Variants in PIEZO2 observed in about 807,000 individuals in gnomAD.
The protein encoded by PIEZO2 is piezo-type mechanosensitive ion channel component 2.
A neutral mutation model predicts 337.3 loss-of-function variants in PIEZO2; 172 were observed. The ratio of observed to expected loss-of-function variants is 0.51; its 90% CI spans 0.45 to 0.58. PIEZO2 has a LOEUF of 0.58. PIEZO2 is among the 20% of genes least tolerant of loss of function. The pLI is 0.00. For synonymous variants in PIEZO2, 1,251 were observed against 1,228.5 expected, an observed-to-expected ratio of 1.02 and a Z score of -0.38; for missense variants, 3,028 against 3,391.3, an observed-to-expected ratio of 0.89 and a Z score of 2.66.
At chr18:11,114,786 G>C (rs1434137899) in intron 1 of PIEZO2, among the ~76,000 whole-genome samples, 5 of 152,052 alleles carry the variant, frequency 3.3e-5, no homozygotes, top group African/African-American at 1.2e-4. Context: ...AGATTGTCAG[G>C]AATTACCACC....
rs57979203 is a variant in PIEZO2, at chr18:10,725,154, C to T, written c.5029+6253G>A. The T allele has an allele frequency of 3.7e-3, 5,437 of 1,473,318 alleles. 162 individuals are homozygous for T. In the African/African-American group the frequency reaches 0.067, roughly 18 times the overall value. The allele number at this position is 1,473,318 out of a possible 1,614,324, so 91.3% of individuals were successfully genotyped here. On this transcript the variant is annotated intron_variant, in intron 36 of 55. Transcript: ENST00000674853. ...CCATGCCTATGGCTGTGCTGAAGTACTGCGAGGCCTCTGGACAGTTCATCC... is the reference window on the plus strand; with the variant it reads ...CCATGCCTATGGCTGTGCTGAAGTATTGCGAGGCCTCTGGACAGTTCATCC...
rs2039497811 is a variant in PIEZO2, at chr18:10,794,088, T to A, written c.1758+684A>T. ...ACCCATTCAATATAAACACGTTTATTTTTACTGTCTTAAAACTAAATTATT... is the reference window on the plus strand; with the variant it reads ...ACCCATTCAATATAAACACGTTTATATTTACTGTCTTAAAACTAAATTATT... On this transcript the variant is annotated intron_variant, in intron 13 of 55. Transcript: ENST00000674853. The surrounding 1 kb of genome is among the most constrained non-coding windows in gnomAD (Gnocchi z 6.6). Among the ~76,000 whole-genome samples the A allele has an allele frequency of 6.6e-6, 1 of 152,150 alleles. No individual in the cohort carries two copies. The highest frequency in any genetic ancestry group is 1.5e-5 in the Non-Finnish European group (1 of 68,022).
intron 1 of PIEZO2, among the ~76,000 whole-genome samples, chr18:11,103,808 T>TGC (rs1555714120): frequency 6.0e-5 from 8 of 134,108 alleles, no homozygotes; most frequent in Non-Finnish European, 1.1e-4. Context: ...TGTGTGTGTG[T>TGC]GCGTGTGTGC....
intron 1 of PIEZO2, among the ~76,000 whole-genome samples, chr18:11,100,688 C>G (rs1006405634): frequency 6.6e-6 from 1 of 152,152 alleles, no homozygotes; most frequent in African/African-American, 2.4e-5. Context: ...CTCCGCCTCC[C>G]GGGTTCACGC....
Position 11,110,102 on chromosome 18 carries a change from G to A in PIEZO2, c.64+38423C>T, listed in dbSNP as rs909599011. On this transcript the variant is annotated intron_variant, in intron 1 of 55. Transcript: ENST00000674853. This position sits in a 1 kb window ranked among gnomAD's most constrained non-coding sequence, Gnocchi z 4.2. ...TCATTTTCCCAAGACTACAACTTGG[G>A]AAGTTTCAGCCTTTCCTTTTCTTTT... Among the ~76,000 whole-genome samples, 3 of 152,072 alleles carry A rather than the reference G, an allele frequency of 2.0e-5. No homozygotes were observed. Among genetic ancestry groups the A allele is most frequent in the African/African-American group, 7.2e-5 (3 of 41,392 alleles).
chr18:10,865,591 G>A (rs895912086), intron 5 of PIEZO2, among the ~76,000 whole-genome samples: 1 of 152,180 alleles, frequency 6.6e-6, no homozygotes, highest in African/African-American at 2.4e-5. Context: ...ACCTTGATGG[G>A]TAAGTCAGTG....
intron 2 of PIEZO2, among the ~76,000 whole-genome samples, chr18:11,010,406 C>G (rs2035855278): frequency 6.6e-6 from 1 of 152,116 alleles, no homozygotes; most frequent in African/African-American, 2.4e-5. Context: ...ACGCACTGTA[C>G]AAAACCTGGG....
chr18:10,687,491 C>T (rs1224537271), intron 49 of PIEZO2, among the ~76,000 whole-genome samples: 1 of 49,318 alleles, frequency 2.0e-5, no homozygotes, highest in Non-Finnish European at 5.3e-5. Context: ...TAAGAATGTG[C>T]TTAGTCTTAG....
intron 3 of PIEZO2, among the ~76,000 whole-genome samples, chr18:10,934,373 G>A (rs264249): frequency 0.05 from 7,603 of 152,208 alleles, 321 homozygotes; most frequent in African/African-American, 0.12. Context: ...CCATGACTGT[G>A]TTCAGGCCCT....
At chr18:10,688,708 T>A (rs1290361005) in intron 49 of PIEZO2, among the ~76,000 whole-genome samples, 1 of 152,158 alleles carries the variant, frequency 6.6e-6, no homozygotes, top group African/African-American at 2.4e-5. Flanking sequence ...TCTGCACAGA[T>A]ACCCCTATTT....
At chr18:10,694,933 T>C (rs947730980) in intron 47 of PIEZO2, among the ~76,000 whole-genome samples, 2 of 152,200 alleles carry the variant, frequency 1.3e-5, no homozygotes, top group South Asian at 2.1e-4. Context: ...CAGCAGATGA[T>C]GGCAGCTTCA....
At chr18:10,965,387 C>A (rs1394899327) in intron 3 of PIEZO2, among the ~76,000 whole-genome samples, 1 of 152,146 alleles carries the variant, frequency 6.6e-6, no homozygotes, top group African/African-American at 2.4e-5. Context: ...TTTGTACATC[C>A]ATAATGACTA....
rs2039717177 is a variant in PIEZO2 at position 11,111,082 on chromosome 18, CA to C, written c.64+37442del. ...AGGACAGACAGGGAGCCTCCCCAAG[CA>C]CTAGGGAGGTGCCTGCCTCAGTGCC... On this transcript the variant is annotated intron_variant, in intron 1 of 55. Coordinates refer to ENST00000674853, the MANE Select transcript of PIEZO2 (RefSeq NM_001378183.1). The surrounding 1 kb of genome is among the most constrained non-coding windows in gnomAD (Gnocchi z 6.2). Among the ~76,000 whole-genome samples the C allele has an allele frequency of 6.6e-6, 1 of 152,202 alleles. No homozygotes were observed. Among genetic ancestry groups the C allele is most frequent in the Admixed American group, 6.5e-5 (1 of 15,290 alleles).
In PIEZO2 at chr18:11,066,479, A is replaced by G. The variant is rs55650731; in HGVS notation, c.65-257T>C. Among the ~76,000 whole-genome samples the G allele has an allele frequency of 0.029, 4,453 of 152,346 alleles. 205 individuals carry two copies. The highest frequency in any genetic ancestry group is 0.098 in the African/African-American group (4,078 of 41,568). ...TCTAACCAAGAAATCTGAAGGTAAA[A>G]GACAAAACTATTGAAAATAATAATA... is the stretch of plus-strand genomic sequence containing the variant. On this transcript the variant is annotated intron_variant, in intron 1 of 55. Transcript: ENST00000674853.
intron 2 of PIEZO2, among the ~76,000 whole-genome samples, chr18:11,034,871 A>G (rs895400160): frequency 6.6e-6 from 1 of 151,886 alleles, no homozygotes; most frequent in Non-Finnish European, 1.5e-5. Context: ...ACAAACAAAA[A>G]CCTCTCCCAG....
intron 4 of PIEZO2, among the ~76,000 whole-genome samples, chr18:10,910,232 C>T (rs560945682): frequency 1.3e-5 from 2 of 152,162 alleles, no homozygotes; most frequent in East Asian, 1.9e-4. Flanking sequence ...TGCTAAATGC[C>T]ACTGGTAGAA....
intron 1 of PIEZO2, among the ~76,000 whole-genome samples, chr18:11,123,583 C>A (rs5024977): frequency 6.6e-6 from 1 of 151,870 alleles, no homozygotes; most frequent in Admixed American, 6.6e-5. Context: ...CCGAGGCGGG[C>A]GGATCATGAG....
At chr18:10,866,158 A>G (rs1376285785) in intron 5 of PIEZO2, among the ~76,000 whole-genome samples, 1 of 152,248 alleles carries the variant, frequency 6.6e-6, no homozygotes, top group East Asian at 1.9e-4. Flanking sequence ...TCGTTTAAAT[A>G]GTTTAAAGAT....
At chr18:10,911,604 A>C (rs2030482010) in intron 3 of PIEZO2, among the ~76,000 whole-genome samples, 1 of 152,046 alleles carries the variant, frequency 6.6e-6, no homozygotes, top group African/African-American at 2.4e-5. Flanking sequence ...AAAATACAAA[A>C]ATTAGCCGGG....
Sources: gnomAD v4.1 joint callset for allele counts (sites outside exome capture counted in the v4.1 genomes callset) on GRCh38, gnomAD v4.1.1 for gene constraint, Gnocchi (gnomAD v3.1) non-coding constraint, MANE v1.5 for transcripts, NCBI Gene and HGNC (gene_info 2026-07-23, HGNC 2026-07-21) for gene names.